Variants in SERPINA9 observed in about 807,000 individuals in gnomAD.
SERPINA9 encodes serpin A9.
Under a neutral mutation model 24.5 loss-of-function variants are expected in SERPINA9, and 32 were observed. That is an observed-to-expected ratio of 1.30 (90% CI 0.98 to 1.75). The LOEUF (loss-of-function observed/expected upper bound fraction) is 1.75. Ranked by LOEUF, SERPINA9 falls within the 40% of genes most tolerant of loss-of-function variation. SERPINA9 has a pLI of 0.00. For synonymous variants in SERPINA9, 233 were observed against 197.7 expected (o/e 1.18, Z -1.50); for missense variants, 594 against 497.1 (o/e 1.19, Z -1.85).
At chr14:94,474,507 C>T (rs1048141966) in intron 1 of SERPINA9, among the ~76,000 whole-genome samples, 1 of 152,132 alleles carries the variant, frequency 6.6e-6, no homozygotes, top group Non-Finnish European at 1.5e-5. Context: ...TGTCTGAGGG[C>T]CCCCAGGTCA....
intron 1 of SERPINA9, among the ~76,000 whole-genome samples, chr14:94,474,666 CT>C (rs1280886204): frequency 4.6e-5 from 7 of 152,304 alleles, no homozygotes; most frequent in African/African-American, 1.7e-4. Context: ...GCCCTTGCCC[CT>C]CTTTTGGCTG....
intron 3 of SERPINA9, among the ~76,000 whole-genome samples, chr14:94,466,724 T>A (rs1899021299): frequency 6.6e-6 from 1 of 152,232 alleles, no homozygotes; most frequent in Admixed American, 6.5e-5. Context: ...GATTTGGTAA[T>A]ATTGTTATCC....
rs139400221 is a variant in SERPINA9, at chr14:94,469,509, T to C, written c.332A>G (p.His111Arg). Residue 111 changes from histidine (H) to arginine (R), a missense_variant, in exon 2 of 5, where the codon CAC (histidine) becomes CGC (arginine). By Grantham distance (29) the His-to-Arg change is conservative (BLOSUM62 0). Coordinates refer to ENST00000674397, the MANE Select transcript of SERPINA9 (RefSeq NM_175739.4). ...NLTHTPESAI[H>R]QGFQHLVHSL... ...GTGAACCAGGTGCTGGAAGCCCTGGTGGATGGCAGACTCTGGTGTGTGTGT... is the reference window on the plus strand; with the variant it reads ...GTGAACCAGGTGCTGGAAGCCCTGGCGGATGGCAGACTCTGGTGTGTGTGT... 8.1e-6 allele frequency: 13 copies of C among 1,614,088 alleles called. No homozygotes were observed. The East Asian group carries it at 2.9e-4, about 36-fold the overall frequency.
chr14:94,474,378 A>T (rs1176745655), intron 1 of SERPINA9, among the ~76,000 whole-genome samples: 5 of 152,160 alleles, frequency 3.3e-5, no homozygotes, highest in Non-Finnish European at 7.4e-5. Flanking sequence ...GTTGGCTAGT[A>T]AATGTCCTGA....
At chr14:94,464,939 C>A (rs541685449) in intron 3 of SERPINA9, 85 bp from the exon 4 acceptor site, 2 of 1,143,354 alleles carry the variant, frequency 1.7e-6, no homozygotes, top group East Asian at 5.1e-5. Context: ...TGGGAGACTC[C>A]GTTCTTCCTC....
intron 1 of SERPINA9, among the ~76,000 whole-genome samples, chr14:94,472,582 G>A (rs1427843566): frequency 6.6e-6 from 1 of 151,976 alleles, no homozygotes; most frequent in African/African-American, 2.4e-5. Flanking sequence ...TTATTATGCA[G>A]GTACTATAGG....
Position 94,462,827 on chromosome 14 carries a change from A to G in SERPINA9, c.*266T>C. ...ATTTCCATTCCTGGGAGCCCCAAGG[A>G]ATGGAAATATGGTAACCCAGCAACA... On this transcript the variant is annotated 3_prime_UTR_variant, in exon 5 of 5. Transcript: ENST00000674397. 1 of 442,928 alleles carries G rather than the reference A, an allele frequency of 2.3e-6. No homozygotes were observed. Among genetic ancestry groups the G allele is most frequent in the South Asian group, 2.4e-5 (1 of 40,852 alleles). The allele number at this position is 442,928 out of a possible 1,614,324, so 27.4% of individuals were successfully genotyped here. A position where few individuals can be genotyped will look rare whatever the true frequency, so the allele number is the denominator to read the frequency against.
intron 2 of SERPINA9, among the ~76,000 whole-genome samples, chr14:94,468,273 A>C (rs890703142): frequency 1.3e-5 from 2 of 152,112 alleles, no homozygotes; most frequent in Non-Finnish European, 2.9e-5. Flanking sequence ...TGGATAGATG[A>C]ATACGTTAAT....
In SERPINA9 at chr14:94,464,754, C is replaced by T. The variant is rs1390177721; in HGVS notation, c.1003G>A (p.Ala335Thr). Residue 335 changes from alanine (A) to threonine (T), a missense_variant, in exon 4 of 5, where the codon GCT becomes ACT. By Grantham distance (58) the Ala-to-Thr change is moderately conservative (BLOSUM62 0). Coordinates refer to ENST00000674397, the MANE Select transcript of SERPINA9 (RefSeq NM_175739.4). ...MGIQNVFDKN[A>T]DFSGIAKRDS... ...CTCTTTGCAATTCCAGAAAAATCAG[C>T]ATTTTTGTCAAAGACATTTTGGATG... is the stretch of plus-strand genomic sequence containing the variant. 27 of 1,613,666 alleles carry T rather than the reference C, an allele frequency of 1.7e-5. No individual in the cohort carries two copies. The highest frequency in any genetic ancestry group is 2.2e-5 in the Non-Finnish European group (26 of 1,179,770).
Position 94,476,145 on chromosome 14 carries a change from T to C in SERPINA9, c.-27A>G, listed in dbSNP as rs1899640568. On this transcript the variant is annotated 5_prime_UTR_variant, in exon 1 of 5. Transcript: ENST00000674397. Reference sequence around the variant, plus strand: ...CCTCCTCCTTACCCACCTTTGCAGGTTCCTCTTCTCCTGCCCTGTCCTTGC... The same window carrying C: ...CCTCCTCCTTACCCACCTTTGCAGGCTCCTCTTCTCCTGCCCTGTCCTTGC... The C allele has an allele frequency of 6.2e-7, 1 of 1,614,140 alleles. No homozygotes were observed. The highest frequency in any genetic ancestry group is 8.5e-7 in the Non-Finnish European group (1 of 1,180,024).
Position 94,469,544 on chromosome 14 carries a change from G to A in SERPINA9, c.297C>T (p.Gly99=). 1.2e-6 allele frequency: 2 copies of A among 1,614,162 alleles called. No individual in the cohort carries two copies. The highest frequency in any genetic ancestry group is 1.3e-5 in the African/African-American group (1 of 75,044). Residue 99 remains glycine, a synonymous_variant, in exon 2 of 5, where the codon GGC becomes GGT. Transcript: ENST00000674397. ...ACTCTGGTGTGTGTGTGAGGTTGAA[G>A]CCCAGGCCCTGGAGAATCTGGGTCT... ...VTKTQILQGL[G]FNLTHTPESA...
intron 4 of SERPINA9, chr14:94,464,381 C>T (rs1898893941): frequency 2.4e-6 from 1 of 421,148 alleles, no homozygotes; most frequent in East Asian, 3.9e-5. Context: ...GGCAGCCACA[C>T]TGTGATGCCT....
intron 1 of SERPINA9, among the ~76,000 whole-genome samples, chr14:94,471,862 G>A (rs1294488005): frequency 5.9e-5 from 9 of 151,964 alleles, no homozygotes; most frequent in African/African-American, 4.8e-5. Context: ...CCGAGACATC[G>A]CAAGCCCCAG....
rs771840753 is a variant in SERPINA9, at chr14:94,469,330, C to A, written c.511G>T (p.Ala171Ser). Residue 171 changes from alanine to serine, a missense_variant, in exon 2 of 5, where the codon GCC becomes TCC. Transcript: ENST00000674397. ...ACATGGCTGTTGATCCTCGCCTGGG[C>A]AATGGAGGGGTTGGAGAAATCTGTA... ...FSTDFSNPSI[A>S]QARINSHVKK... The A allele has an allele frequency of 1.9e-6, 3 of 1,614,212 alleles. No homozygotes were observed. The Admixed American group carries it at 5.0e-5, about 27-fold the overall frequency.
intron 1 of SERPINA9, among the ~76,000 whole-genome samples, chr14:94,472,205 C>G (rs1899353526): frequency 6.6e-6 from 1 of 152,164 alleles, no homozygotes; most frequent in Admixed American, 6.5e-5. Context: ...CAGTCAACAC[C>G]AATAGCAACA....
At chr14:94,468,055 G>T (rs542610982) in intron 2 of SERPINA9, among the ~76,000 whole-genome samples, 6 of 152,226 alleles carry the variant, frequency 3.9e-5, no homozygotes, top group Admixed American at 6.5e-5. Flanking sequence ...TGTCTGGGTG[G>T]ATAGATGGAT....
At chr14:94,475,814 A>C (rs1899603228) in intron 1 of SERPINA9, 5 of 421,042 alleles carry the variant, frequency 1.2e-5, no homozygotes, top group South Asian at 4.8e-5. Context: ...AACAACAAAA[A>C]CACTCCTTTC....
At position 94,469,125 on chromosome 14, in the gene SERPINA9, G is replaced by C. The variant is rs187424196; in HGVS notation, c.628+88C>G. 4.3e-3 allele frequency: 5,256 copies of C among 1,233,906 alleles called. 19 individuals are homozygous for C. The highest frequency in any genetic ancestry group is 7.1e-3 in the Middle Eastern group (33 of 4,642). 76.4% of individuals were successfully genotyped at this position (1,233,906 alleles called of 1,614,324 possible). Reference sequence around the variant, plus strand: ...CCATTTCTCCACCCTGCAGTCTAGGGTTTGTCTGGCTTGTGTATTTCACTA... The same window carrying C: ...CCATTTCTCCACCCTGCAGTCTAGGCTTTGTCTGGCTTGTGTATTTCACTA... On this transcript the variant is annotated intron_variant, in intron 2 of 4. Coordinates refer to ENST00000674397, the MANE Select transcript of SERPINA9 (RefSeq NM_175739.4).
intron 3 of SERPINA9, among the ~76,000 whole-genome samples, chr14:94,465,898 C>T (rs1898981704): frequency 1.3e-5 from 2 of 152,302 alleles, no homozygotes; most frequent in South Asian, 2.1e-4. Context: ...GTAAAGCTTA[C>T]TTTTAGTGCT....
Sources: allele counts gnomAD v4.1 joint callset (sites outside exome capture counted in the v4.1 genomes callset), GRCh38; gene constraint gnomAD v4.1.1; transcripts MANE v1.5; gene names NCBI Gene and HGNC (gene_info 2026-07-23, HGNC 2026-07-21).